The following IDE variants were observed in gnomAD, a reference collection of about 807,000 sequenced individuals.
IDE encodes the protein insulin degrading enzyme.
In IDE, 58 loss-of-function variants were observed where a neutral mutation model predicts 133.2. The observed-to-expected ratio is 0.44, with a 90% CI of 0.35 to 0.54. The LOEUF is 0.54. Ranked by LOEUF, IDE falls within the 20% of genes least tolerant of loss-of-function variation. IDE has a pLI of 0.00. For synonymous variants in IDE, 396 were observed against 421.3 expected (o/e 0.94, Z 0.73); for missense variants, 981 against 1,234.0 (o/e 0.79, Z 3.07).
chr10:92,465,079 G>A (rs1409152479), intron 20 of IDE, among the ~76,000 whole-genome samples: 1 of 152,198 alleles, frequency 6.6e-6, no homozygotes, highest in African/African-American at 2.4e-5. Flanking sequence ...GGACCATCCA[G>A]AGCATCCATT....
chr10:92,504,524 GT>G (rs1848191039), intron 11 of IDE, among the ~76,000 whole-genome samples: 1 of 152,044 alleles, frequency 6.6e-6, no homozygotes, highest in African/African-American at 2.4e-5. Flanking sequence ...AATTATATTT[GT>G]TTTTAAAAAT....
chr10:92,493,211 T>C (rs1589418389), intron 11 of IDE, among the ~76,000 whole-genome samples: 1 of 152,140 alleles, frequency 6.6e-6, no homozygotes, highest in Non-Finnish European at 1.5e-5. Flanking sequence ...TGGTATCTCT[T>C]AAGGGCATTC....
chr10:92,460,943 C>T (rs929918468), intron 22 of IDE, among the ~76,000 whole-genome samples: 1 of 151,900 alleles, frequency 6.6e-6, no homozygotes, highest in Non-Finnish European at 1.5e-5. Flanking sequence ...CAGGTTCAAG[C>T]GATTCTCATG....
intron 21 of IDE, 131 bp downstream of exon 21, chr10:92,463,600 G>A: frequency 1.3e-6 from 1 of 788,456 alleles, no homozygotes; most frequent in Non-Finnish European, 2.1e-6. Flanking sequence ...GGAAGTGCCA[G>A]CCATCCCCCC....
At chr10:92,488,684 G>A (rs1847158977) in intron 12 of IDE, among the ~76,000 whole-genome samples, 1 of 151,820 alleles carries the variant, frequency 6.6e-6, no homozygotes, top group South Asian at 2.1e-4. Context: ...GGCTGAGGCA[G>A]GAGAATCATG....
chr10:92,544,895 A>G (rs1360082571), intron 1 of IDE, among the ~76,000 whole-genome samples: 1 of 152,196 alleles, frequency 6.6e-6, no homozygotes, highest in Non-Finnish European at 1.5e-5. Flanking sequence ...CATGAAAGGA[A>G]ACATAAAAAC....
intron 1 of IDE, chr10:92,541,437 A>G: frequency 7.3e-6 from 2 of 273,120 alleles, no homozygotes. Flanking sequence ...AGCCTTCAAG[A>G]GTAATTTTAT....
At chr10:92,563,609 G>A (rs1001289039) in intron 1 of IDE, among the ~76,000 whole-genome samples, 1 of 151,924 alleles carries the variant, frequency 6.6e-6, no homozygotes, top group African/African-American at 2.4e-5. Context: ...AAATTAGCTG[G>A]GTGTGGTGGC....
intron 1 of IDE, among the ~76,000 whole-genome samples, chr10:92,543,610 A>G (rs1842407900): frequency 6.6e-6 from 1 of 152,240 alleles, no homozygotes; most frequent in Non-Finnish European, 1.5e-5. Flanking sequence ...CCCTCTGGAA[A>G]GGAGTTTATG....
chr10:92,459,215 T>C (rs927778726), intron 22 of IDE, among the ~76,000 whole-genome samples: 2 of 152,208 alleles, frequency 1.3e-5, no homozygotes, highest in Non-Finnish European at 2.9e-5. Context: ...TCATGGATGA[T>C]ACAAAATCAC....
intron 21 of IDE, 141 bp downstream of exon 21, chr10:92,463,590 G>T: frequency 1.4e-6 from 1 of 731,336 alleles, no homozygotes; most frequent in Non-Finnish European, 2.3e-6. Flanking sequence ...ACAGTTCTTT[G>T]GAAGTGCCAG....
chr10:92,553,261 T>C (rs1295992176), intron 1 of IDE, among the ~76,000 whole-genome samples: 5 of 151,768 alleles, frequency 3.3e-5, no homozygotes, highest in African/African-American at 4.8e-5. Context: ...CTGTCTCTAT[T>C]AAAAATACAA....
intron 1 of IDE, among the ~76,000 whole-genome samples, chr10:92,545,293 AAGGAAAG>A (rs149428731): frequency 0.021 from 3,171 of 152,276 alleles, 47 homozygotes; most frequent in Admixed American, 0.052. Flanking sequence ...AGAGATGGGA[AAGGAAAG>A]AGGAAAAAAA....
chr10:92,500,902 G>A (rs544651387), intron 11 of IDE, among the ~76,000 whole-genome samples: 13 of 151,648 alleles, frequency 8.6e-5, no homozygotes, highest in Non-Finnish European at 1.6e-4. Context: ...TTAGCTGGGC[G>A]TGGTGGCATA....
At chr10:92,543,579 T>C (rs1842406698) in intron 1 of IDE, among the ~76,000 whole-genome samples, 1 of 152,222 alleles carries the variant, frequency 6.6e-6, no homozygotes, top group African/African-American at 2.4e-5. Flanking sequence ...GAATATCAGC[T>C]ATCGTAACTC....
chr10:92,527,048 T>C (rs1343507303), intron 4 of IDE, among the ~76,000 whole-genome samples: 2 of 152,076 alleles, frequency 1.3e-5, no homozygotes, highest in Admixed American at 6.6e-5. Flanking sequence ...TCTAAACCTA[T>C]GGTTCATCTC....
chr10:92,516,981 G>A (rs753440558), intron 4 of IDE, among the ~76,000 whole-genome samples: 4 of 152,156 alleles, frequency 2.6e-5, no homozygotes, highest in Admixed American at 6.5e-5. Flanking sequence ...CATCTTGACT[G>A]GAAATATCCT....
At chr10:92,508,699 A>G in intron 7 of IDE, 29 bp downstream of exon 7, 2 of 1,602,828 alleles carry the variant, frequency 1.2e-6, no homozygotes, top group Non-Finnish European at 1.7e-6. Context: ...TGTGGTGGAC[A>G]CTCAGAAGAT....
intron 3 of IDE, 109 bp downstream of exon 3, chr10:92,534,469 T>G (rs1158992575): frequency 1.4e-6 from 1 of 730,650 alleles, no homozygotes; most frequent in Non-Finnish European, 2.2e-6. Flanking sequence ...AAACACTGTT[T>G]AAAATACCTT....
Sources: gnomAD v4.1 joint callset for allele counts (sites outside exome capture counted in the v4.1 genomes callset) on GRCh38, gnomAD v4.1.1 for gene constraint, MANE v1.5 for transcripts, NCBI Gene and HGNC (gene_info 2026-07-23, HGNC 2026-07-21) for gene names.